The following LAMA4 variants were observed in gnomAD, a reference collection of about 807,000 sequenced individuals.
LAMA4 encodes laminin subunit alpha-4.
A neutral mutation model predicts 207.1 loss-of-function variants in LAMA4; 127 were observed. The observed-to-expected ratio is 0.61, with a 90% confidence interval of 0.53 to 0.71. The LOEUF (loss-of-function observed/expected upper bound fraction) is 0.71. Among genes scored for constraint, LAMA4 ranks in the 30% least tolerant of loss-of-function variants. The pLI is 0.00. For missense variants in LAMA4, 2,093 were observed against 2,246.5 expected (o/e 0.93, Z 1.38); for synonymous variants, 761 against 816.0 (o/e 0.93, Z 1.15).
At chr6:112,216,583 G>T (rs1163428199) in intron 2 of LAMA4, 114 bp from the exon 3 acceptor site, 5 of 740,148 alleles carry the variant, frequency 6.8e-6, no homozygotes, top group Non-Finnish European at 1.2e-5. Flanking sequence ...TTTCTAAAAT[G>T]AATATACTAA....
intron 2 of LAMA4, among the ~76,000 whole-genome samples, chr6:112,223,750 T>A (rs1785047951): frequency 6.6e-6 from 1 of 152,196 alleles, no homozygotes; most frequent in Non-Finnish European, 1.5e-5. Context: ...TGAAAGTGAC[T>A]GGCAGGACAT....
intron 2 of LAMA4, among the ~76,000 whole-genome samples, chr6:112,222,036 C>A (rs1017646564): frequency 2.0e-5 from 3 of 152,130 alleles, no homozygotes; most frequent in African/African-American, 7.2e-5. Context: ...ATATGTTTTT[C>A]AGATCAGGCT....
In LAMA4 at chr6:112,254,072, C is replaced by G. The variant is rs1554190512; in HGVS notation, c.79G>C (p.Gly27Arg). ...WSAACSRAAS[G>R]DDNAFPFDIE... ...TCAAAAGGAAAAGCGTTGTCGTCCCCGGACGCGGCGCGGGAGCAGGCAGCG... is the reference window on the plus strand; with the variant it reads ...TCAAAAGGAAAAGCGTTGTCGTCCCGGGACGCGGCGCGGGAGCAGGCAGCG... The change falls in exon 2 of 39, where the codon GGG becomes CGG. Residue 27 changes from glycine to arginine, a missense_variant. Gly to Arg is a moderately radical substitution (Grantham distance 125). This residue lies in a region of LAMA4 where 1,704 missense variants were observed against 1,788.4 expected (regional missense o/e 0.95). Coordinates refer to ENST00000230538, the MANE Select transcript of LAMA4 (RefSeq NM_001105206.3). 1 of 1,610,834 alleles carries G rather than the reference C, an allele frequency of 6.2e-7. No homozygotes were observed. Among genetic ancestry groups the G allele is most frequent in the Admixed American group, 1.7e-5 (1 of 59,648 alleles).
chr6:112,239,610 A>AG (rs1190409089), intron 2 of LAMA4, among the ~76,000 whole-genome samples: 10 of 152,208 alleles, frequency 6.6e-5, no homozygotes, highest in Admixed American at 6.5e-4. Context: ...GAAGGCCGGA[A>AG]GACTACCTGG....
chr6:112,125,645 T>C (rs1778645246), intron 31 of LAMA4, among the ~76,000 whole-genome samples: 1 of 152,178 alleles, frequency 6.6e-6, no homozygotes, highest in Non-Finnish European at 1.5e-5. Flanking sequence ...GAACTAGAAA[T>C]CAATGTTACC....
chr6:112,202,773 C>G (rs782386439), intron 4 of LAMA4, among the ~76,000 whole-genome samples: 1 of 152,150 alleles, frequency 6.6e-6, no homozygotes, highest in Non-Finnish European at 1.5e-5. Context: ...GATTTCTTAG[C>G]CTACTTAAAG....
At chr6:112,128,426 G>C (rs1645876713) in intron 31 of LAMA4, among the ~76,000 whole-genome samples, 1 of 152,134 alleles carries the variant, frequency 6.6e-6, no homozygotes. Context: ...AGGCTGGGAC[G>C]GGCAGCGGCG....
chr6:112,248,229 A>G lies in LAMA4; in HGVS notation c.195+5727T>C, dbSNP rs6933924. The stretch of plus-strand genomic sequence containing the variant: ...AAAAATAGTTCAAATGGCCAGGTGC[A>G]GTGGCTCATGCCTGTAATCCCAGCA... On this transcript the variant is annotated intron_variant, in intron 2 of 38. Transcript: ENST00000230538. 9.8e-3 allele frequency among the ~76,000 whole-genome samples: 1,499 copies of G among 152,270 alleles called. 22 individuals are homozygous for G. The highest frequency in any genetic ancestry group is 0.035 in the African/African-American group (1,434 of 41,562).
At chr6:112,114,251 C>A in intron 37 of LAMA4, 56 bp from the exon 38 acceptor site, 1 of 1,530,132 alleles carries the variant, frequency 6.5e-7, no homozygotes, top group Non-Finnish European at 9.1e-7. Flanking sequence ...GAATTTTTAA[C>A]CTGAGAAAGA....
chr6:112,253,623 A>C (rs1424184333), intron 2 of LAMA4: 2 of 961,238 alleles, frequency 2.1e-6, no homozygotes, highest in Non-Finnish European at 1.6e-6. Flanking sequence ...TGGCTTGACA[A>C]AATGACTACT....
chr6:112,174,573 A>T (rs1245349921), intron 11 of LAMA4, among the ~76,000 whole-genome samples: 8 of 152,148 alleles, frequency 5.3e-5, no homozygotes, highest in Non-Finnish European at 1.0e-4. Context: ...GCTCACTGCA[A>T]CCTCCGCCTC....
chr6:112,154,923 T>C lies in LAMA4; in HGVS notation c.1984A>G (p.Ile662Val), dbSNP rs1554336545. The change falls in exon 16 of 39, where the codon ATC becomes GTC. Residue 662 changes from isoleucine to valine, a missense_variant. Around this residue, in one of 3 missense-constraint regions of LAMA4, gnomAD observed 1,704 missense variants for 1,788.4 expected, o/e 0.95. Transcript: ENST00000230538. ...YDAVSGIDTQ[I>V]IYHKDESENL... ...TCACTTTCATCTTTATGGTAAATGA[T>C]TTGAGTATCAATCCCACTCACCGCC... is the stretch of plus-strand genomic sequence containing the variant. The C allele has an allele frequency of 2.5e-6, 4 of 1,613,004 alleles. No homozygotes were observed. The highest frequency in any genetic ancestry group is 1.3e-5 in the African/African-American group (1 of 75,030).
rs1554334953 is a variant in LAMA4, at chr6:112,148,189, T to TA, written c.2320dup (p.Tyr774LeufsTer9). The TA allele has an allele frequency of 1.9e-6, 3 of 1,614,222 alleles. No homozygotes were observed. The South Asian group carries it at 3.3e-5, about 18-fold the overall frequency. On this transcript the variant is annotated frameshift_variant, in exon 18 of 39. Transcript: ENST00000230538. LOFTEE classifies it high-confidence loss of function. ...CCTAGCAGAGTTCACTGCAGTGTTGTAAGCAGAAGAGTCAAAATGTTGAAG... is the reference window on the plus strand; with the variant it reads ...CCTAGCAGAGTTCACTGCAGTGTTGTAAAGCAGAAGAGTCAAAATGTTGAAG...
Position 112,213,937 on chromosome 6 carries a change from T to C in LAMA4, c.297+2431A>G, listed in dbSNP as rs371543590. The C allele has an allele frequency of 5.2e-4, 324 of 626,612 alleles. 3 individuals carry two copies. The African/African-American group carries it at 5.3e-3, about 10-fold the overall frequency. The allele number at this position is 626,612 out of a possible 1,614,324, so 38.8% of individuals were successfully genotyped here. A position where few individuals can be genotyped will look rare whatever the true frequency, so the allele number is the denominator to read the frequency against. ...GGTAAGTCAGGCAACCTGCAAGAAC[T>C]GACTGAAACACTGGTCATGACAGTG... On this transcript the variant is annotated intron_variant, in intron 3 of 38. Transcript: ENST00000230538.
At chr6:112,131,194 C>T in intron 28 of LAMA4, 93 bp from the exon 29 acceptor site, 1 of 1,161,006 alleles carries the variant, frequency 8.6e-7, no homozygotes, top group Middle Eastern at 1.9e-4. Context: ...TGCTTAAAGG[C>T]AATATAGTGT....
chr6:112,245,859 T>G (rs1554188534), intron 2 of LAMA4, among the ~76,000 whole-genome samples: 1 of 152,220 alleles, frequency 6.6e-6, no homozygotes. Flanking sequence ...TTACTCAAAT[T>G]ATATTCACCC....
In LAMA4 at chr6:112,207,051, G is replaced by T. The variant is rs374273620; in HGVS notation, c.392C>A (p.Pro131Gln). 6.2e-7 allele frequency: 1 copy of T among 1,613,928 alleles called. No individual in the cohort carries two copies. The change falls in exon 4 of 39, where the codon CCG (proline) becomes CAG (glutamine). Residue 131 changes from proline (P) to glutamine (Q), a missense_variant. Physicochemically the swap from Pro to Gln is moderately conservative, Grantham distance 76. Coordinates refer to ENST00000230538, the MANE Select transcript of LAMA4 (RefSeq NM_001105206.3). ...SIRGAPQFCQ[P>Q]CPCPLPHLAN... is the part of the protein sequence containing the mutation. ...CAAGTGGGGCAGGGGACAGGGGCAC[G>T]GCTGGCAGAATTGGGGTGCTCCCCT...
intron 26 of LAMA4, 84 bp downstream of exon 26, chr6:112,134,383 C>T (rs1779211559): frequency 1.5e-5 from 20 of 1,356,640 alleles, no homozygotes; most frequent in Admixed American, 3.4e-5. Flanking sequence ...AGTAAGGGTG[C>T]GTACACTGTT....
rs73542553 is a variant in LAMA4, at chr6:112,207,392, A to C, written c.298-247T>G. Reference sequence around the variant, plus strand: ...TGTGTGCTAGTAGCCTGGGGACTCTAGAGTTTGTGTGCAGAGGAGATTATT... The same window carrying C: ...TGTGTGCTAGTAGCCTGGGGACTCTCGAGTTTGTGTGCAGAGGAGATTATT... On this transcript the variant is annotated intron_variant, in intron 3 of 38. Transcript: ENST00000230538. 0.041 allele frequency among the ~76,000 whole-genome samples: 6,261 copies of C among 152,236 alleles called. 416 individuals carry two copies. Among genetic ancestry groups the C allele is most frequent in the African/African-American group, 0.14 (5,860 of 41,516 alleles).
Sources: gnomAD v4.1 joint callset for allele counts (sites outside exome capture counted in the v4.1 genomes callset) on GRCh38, gnomAD v4.1.1 for gene constraint, gnomAD v4.1.1 regional missense constraint, MANE v1.5 for transcripts, NCBI Gene and HGNC (gene_info 2026-07-23, HGNC 2026-07-21) for gene names.